B3GNT4: variants seen among roughly 807,000 people sequenced by gnomAD.
The protein encoded by B3GNT4 is UDP-GlcNAc:betaGal beta-1,3-N-acetylglucosaminyltransferase 4.
A neutral mutation model predicts 2.7 loss-of-function variants in B3GNT4; 2 were observed. The ratio of observed to expected loss-of-function variants is 0.73; its 90% CI spans 0.30 to 2.31. The LOEUF (loss-of-function observed/expected upper bound fraction) is 2.31. Among genes scored for constraint, B3GNT4 ranks in the 30% most tolerant of loss-of-function variants. The pLI, the probability that B3GNT4 is intolerant of heterozygous loss-of-function variation, is 0.12. For missense variants in B3GNT4, 708 were observed against 490.9 expected, an observed-to-expected ratio of 1.44 and a Z score of -4.18; for synonymous variants, 280 against 203.4, an observed-to-expected ratio of 1.38 and a Z score of -3.20.
Position 122,207,314 on chromosome 12 carries a change from G to T in B3GNT4, c.1063G>T (p.Glu355Ter), listed in dbSNP as rs769085783. 6.2e-7 allele frequency: 1 copy of T among 1,612,440 alleles called. No homozygotes were observed. Among genetic ancestry groups the T allele is most frequent in the South Asian group, 1.1e-5 (1 of 90,852 alleles). Residue 355 changes from glutamate (E) to a stop codon, truncating the protein, a stop_gained, in exon 3 of 3, where the codon GAG becomes TAG. Coordinates refer to ENST00000324189, the MANE Select transcript of B3GNT4 (RefSeq NM_030765.4). LOFTEE classifies it high-confidence loss of function. Reference sequence around the variant, plus strand: ...GCTGGTTCACCGCCTCAGCCCCCTCGAGATGTGGACCATGTGGGCACTGGT... The same window carrying T: ...GCTGGTTCACCGCCTCAGCCCCCTCTAGATGTGGACCATGTGGGCACTGGT... ...LLLVHRLSPL[E>*]MWTMWALVTD...
In B3GNT4 at chr12:122,204,449, C is replaced by G. The variant is rs1953887981; in HGVS notation, c.-97-73C>G. On this transcript the variant is annotated intron_variant, in intron 1 of 2. Transcript: ENST00000324189. The stretch of plus-strand genomic sequence containing the variant: ...CAGCCTGGGCTGAAACCTCCTGGGA[C>G]GGAACCAAGCCACCTGCTGTGCGCC... The G allele has an allele frequency of 6.6e-5, 44 of 669,162 alleles. No homozygotes were observed. The South Asian group carries it at 6.7e-4, about 10-fold the overall frequency. 41.5% of individuals were successfully genotyped at this position (669,162 alleles called of 1,614,324 possible). A position where few individuals can be genotyped will look rare whatever the true frequency, so the allele number is the denominator to read the frequency against.
Position 122,208,783 on chromosome 12 carries a change from T to C in B3GNT4, c.*1395T>C, listed in dbSNP as rs768031244. On this transcript the variant is annotated 3_prime_UTR_variant, in exon 3 of 3. Transcript: ENST00000324189. Reference sequence around the variant, plus strand: ...CTGACACTCTGTCAAAAACAGCATTTTTCTTCAGCTGTCAGCGGCCAACAT... The same window carrying C: ...CTGACACTCTGTCAAAAACAGCATTCTTCTTCAGCTGTCAGCGGCCAACAT... 7.2e-5 allele frequency: 49 copies of C among 676,892 alleles called. No homozygotes were observed. The highest frequency in any genetic ancestry group is 2.3e-4 in the Middle Eastern group (1 of 4,268). 41.9% of individuals were successfully genotyped at this position (676,892 alleles called of 1,614,324 possible).
chr12:122,206,683 G>T lies in B3GNT4; in HGVS notation c.432G>T (p.Val144=), dbSNP rs752366862. 9.3e-6 allele frequency: 15 copies of T among 1,612,450 alleles called. No homozygotes were observed. Among genetic ancestry groups the T allele is most frequent in the Non-Finnish European group, 1.2e-5 (14 of 1,179,452 alleles). The part of the protein sequence containing the change: ...RAAIRSTWGR[V]GGWARGRQLK... Reference sequence around the variant, plus strand: ...CTATCCGCAGCACGTGGGGCAGGGTGGGGGGATGGGCTAGGGGCCGGCAGC... The same window carrying T: ...CTATCCGCAGCACGTGGGGCAGGGTTGGGGGATGGGCTAGGGGCCGGCAGC... The change falls in exon 3 of 3, where the codon GTG becomes GTT. Residue 144 remains valine, a synonymous_variant. Transcript: ENST00000324189.
chr12:122,206,833 G>T lies in B3GNT4; in HGVS notation c.582G>T (p.Thr194=). 2 of 1,613,362 alleles carry T rather than the reference G, an allele frequency of 1.2e-6. No homozygotes were observed. Among genetic ancestry groups the T allele is most frequent in the Non-Finnish European group, 1.7e-6 (2 of 1,179,814 alleles). Residue 194 remains threonine, a synonymous_variant, in exon 3 of 3, where the codon ACG becomes ACT. Coordinates refer to ENST00000324189, the MANE Select transcript of B3GNT4 (RefSeq NM_030765.4). The part of the protein sequence containing the change: ...WDFTEDFFNL[T]LKELHLQRWV... The stretch of plus-strand genomic sequence containing the variant: ...TCACTGAGGACTTCTTCAACCTGAC[G>T]CTCAAGGAGCTGCACCTGCAGCGCT...
chr12:122,207,383 C>A lies in B3GNT4; in HGVS notation c.1132C>A (p.Arg378Ser). The change falls in exon 3 of 3, where the codon CGC becomes AGC. Residue 378 changes from arginine to serine, a missense_variant. By Grantham distance (110) the Arg-to-Ser change is moderately radical (BLOSUM62 -1). Transcript: ENST00000324189. Reference protein sequence around the residue: ...LKCAAGPIPQR With the variant: ...LKCAAGPIPQS ...GTGTGCAGCTGGCCCCATACCCCAG[C>A]GCTGAAGGGTGGGTTGGGCAACAGC... 1 of 1,545,910 alleles carries A rather than the reference C, an allele frequency of 6.5e-7. No individual in the cohort carries two copies. The highest frequency in any genetic ancestry group is 1.2e-5 in the South Asian group (1 of 80,618).
At position 122,207,533 on chromosome 12, in the gene B3GNT4, A is replaced by T; in HGVS notation, c.*145A>T. 1.3e-6 allele frequency: 1 copy of T among 774,266 alleles called. No homozygotes were observed. The highest frequency in any genetic ancestry group is 1.9e-5 in the South Asian group (1 of 53,468). 48.0% of individuals were successfully genotyped at this position (774,266 alleles called of 1,614,324 possible). A position where few individuals can be genotyped will look rare whatever the true frequency, so the allele number is the denominator to read the frequency against. ...GTTAGCTCTGATTAAAAACACTGCA[A>T]CCCAGCTAACTTGTCCAGCATATGT... is the stretch of plus-strand genomic sequence containing the variant. On this transcript the variant is annotated 3_prime_UTR_variant, in exon 3 of 3. Coordinates refer to ENST00000324189, the MANE Select transcript of B3GNT4 (RefSeq NM_030765.4).
intron 2 of B3GNT4, 75 bp downstream of exon 2, chr12:122,204,759 A>C: frequency 7.5e-7 from 1 of 1,342,104 alleles, no homozygotes; most frequent in Non-Finnish European, 1.0e-6. Flanking sequence ...GGCTCAGAAA[A>C]CTCTGGCCGG....
chr12:122,208,354 G>A lies in B3GNT4; in HGVS notation c.*966G>A. Reference sequence around the variant, plus strand: ...CTGCCCCTGCTTTCCCCACTGAGTGGGGAGACAGGGCAGTGTGCTCAGGCC... The same window carrying A: ...CTGCCCCTGCTTTCCCCACTGAGTGAGGAGACAGGGCAGTGTGCTCAGGCC... On this transcript the variant is annotated 3_prime_UTR_variant, in exon 3 of 3. Coordinates refer to ENST00000324189, the MANE Select transcript of B3GNT4 (RefSeq NM_030765.4). The A allele has an allele frequency of 6.2e-7, 1 of 1,610,180 alleles. No individual in the cohort carries two copies. The highest frequency in any genetic ancestry group is 8.5e-7 in the Non-Finnish European group (1 of 1,179,730).
At position 122,207,408 on chromosome 12, in the gene B3GNT4, C is replaced by A; in HGVS notation, c.*20C>A. 1 of 1,518,960 alleles carries A rather than the reference C, an allele frequency of 6.6e-7. No homozygotes were observed. Among genetic ancestry groups the A allele is most frequent in the Non-Finnish European group, 8.8e-7 (1 of 1,135,688 alleles). The allele number at this position is 1,518,960 out of a possible 1,614,324, so 94.1% of individuals were successfully genotyped here. ...CGCTGAAGGGTGGGTTGGGCAACAG[C>A]CTGAGAGTGGACTCAGTGTTGATTC... On this transcript the variant is annotated 3_prime_UTR_variant, in exon 3 of 3. Coordinates refer to ENST00000324189, the MANE Select transcript of B3GNT4 (RefSeq NM_030765.4).
rs1953916616 is a variant in B3GNT4 at position 122,206,434 on chromosome 12, C to G, written c.183C>G (p.Ala61=). The part of the protein sequence containing the change: ...KAAKPAGDPT[A]HQPFWAPPTP... ...CCAAGCCCGCAGGAGACCCCACGGCCCACCAGCCTTTCTGGGCTCCCCCAA... is the reference window on the plus strand; with the variant it reads ...CCAAGCCCGCAGGAGACCCCACGGCGCACCAGCCTTTCTGGGCTCCCCCAA... The change falls in exon 3 of 3, where the codon GCC becomes GCG. Residue 61 remains alanine, a synonymous_variant. Transcript: ENST00000324189. 1 of 1,613,942 alleles carries G rather than the reference C, an allele frequency of 6.2e-7. No homozygotes were observed. The highest frequency in any genetic ancestry group is 1.1e-5 in the South Asian group (1 of 91,076).
Position 122,208,775 on chromosome 12 carries a change from A to G in B3GNT4, c.*1387A>G. On this transcript the variant is annotated 3_prime_UTR_variant, in exon 3 of 3. Coordinates refer to ENST00000324189, the MANE Select transcript of B3GNT4 (RefSeq NM_030765.4). The stretch of plus-strand genomic sequence containing the variant: ...GGATTTAACTGACACTCTGTCAAAA[A>G]CAGCATTTTTCTTCAGCTGTCAGCG... The G allele has an allele frequency of 2.9e-6, 2 of 689,586 alleles. No individual in the cohort carries two copies. Among genetic ancestry groups the G allele is most frequent in the South Asian group, 1.5e-5 (1 of 66,718 alleles). 42.7% of individuals were successfully genotyped at this position (689,586 alleles called of 1,614,324 possible). A position where few individuals can be genotyped will look rare whatever the true frequency, so the allele number is the denominator to read the frequency against.
chr12:122,207,204 G>C lies in B3GNT4; in HGVS notation c.953G>C (p.Ser318Thr). 6.2e-7 allele frequency: 1 copy of C among 1,614,072 alleles called. No individual in the cohort carries two copies. Among genetic ancestry groups the C allele is most frequent in the Non-Finnish European group, 8.5e-7 (1 of 1,180,012 alleles). Residue 318 changes from serine (S) to threonine (T), a missense_variant, in exon 3 of 3, where the codon AGC becomes ACC. Coordinates refer to ENST00000324189, the MANE Select transcript of B3GNT4 (RefSeq NM_030765.4). ...ATGTGCCTGAGGCGGCTGGGGCTGA[G>C]CCCTATGCACCATGCTGGCTTCAAG... ...VGMCLRRLGLSPMHHAGFKTF... is the reference protein window; with the variant it reads ...VGMCLRRLGLTPMHHAGFKTF...
rs1953941054 is a variant in B3GNT4 at position 122,207,256 on chromosome 12, C to T, written c.1005C>T (p.Asp335=). ...CATTTGGAATCCGGCGGCCCCTGGA[C>T]CCCTTAGACCCCTGCCTGTATAGGG... ...FKTFGIRRPL[D]PLDPCLYRGL... The change falls in exon 3 of 3, where the codon GAC becomes GAT. Residue 335 remains aspartate (D), a synonymous_variant. Transcript: ENST00000324189. The T allele has an allele frequency of 1.9e-6, 3 of 1,614,000 alleles. No homozygotes were observed. The highest frequency in any genetic ancestry group is 3.3e-5 in the Admixed American group (2 of 59,992).
intron 1 of B3GNT4, among the ~76,000 whole-genome samples, chr12:122,204,063 G>C (rs1360072680): frequency 6.6e-6 from 1 of 151,906 alleles, no homozygotes; most frequent in African/African-American, 2.4e-5. Context: ...CCGCCAGCCT[G>C]GGCCGCCCGC....
In B3GNT4 at chr12:122,204,587, C is replaced by G. The variant is rs1444827284; in HGVS notation, c.-32C>G. On this transcript the variant is annotated 5_prime_UTR_variant, in exon 2 of 3. Coordinates refer to ENST00000324189, the MANE Select transcript of B3GNT4 (RefSeq NM_030765.4). Reference sequence around the variant, plus strand: ...CCCGCCGCCGCCGCCGCCCGGCATCCTGAGCACGGAGACAGTCTCCAGCTG... The same window carrying G: ...CCCGCCGCCGCCGCCGCCCGGCATCGTGAGCACGGAGACAGTCTCCAGCTG... 2.5e-6 allele frequency: 4 copies of G among 1,586,710 alleles called. No individual in the cohort carries two copies. In the African/African-American group the frequency reaches 4.0e-5, roughly 16 times the overall value.
chr12:122,204,360 C>A (rs936654403), intron 1 of B3GNT4, among the ~76,000 whole-genome samples, 162 bp from the exon 2 acceptor site: 2 of 151,614 alleles, frequency 1.3e-5, no homozygotes, highest in Non-Finnish European at 2.9e-5. Context: ...GGCGGCGGGG[C>A]GAGGCCGTGC....
chr12:122,206,488 C>CCA lies in B3GNT4; in HGVS notation c.242_243dup (p.Val82GlnfsTer17). On this transcript the variant is annotated frameshift_variant, in exon 3 of 3. Coordinates refer to ENST00000324189, the MANE Select transcript of B3GNT4 (RefSeq NM_030765.4). LOFTEE classifies it low-confidence loss of function (END_TRUNC). ...CCCGTCACAGCCGGTGTCCACCCAA[C>CCA]CACACAGTGTCTAGCGCCTCTCTGT... 6.2e-7 allele frequency: 1 copy of CCA among 1,614,202 alleles called. No homozygotes were observed. The highest frequency in any genetic ancestry group is 1.1e-5 in the South Asian group (1 of 91,080).
In B3GNT4 at chr12:122,206,326, G is replaced by C. The variant is rs752767907; in HGVS notation, c.75G>C (p.Ala25=). The C allele has an allele frequency of 7.0e-5, 110 of 1,565,940 alleles. No individual in the cohort carries two copies. Among genetic ancestry groups the C allele is most frequent in the Non-Finnish European group, 8.7e-5 (101 of 1,155,260 alleles). ...TGGCTCTCTCCTTGCAGGGACCGGCGATGCTCTGCAGGCTGTGCTGGCTGG... is the reference window on the plus strand; with the variant it reads ...TGGCTCTCTCCTTGCAGGGACCGGCCATGCTCTGCAGGCTGTGCTGGCTGG... The part of the protein sequence containing the change: ...GRSGLLPKGP[A]MLCRLCWLVS... Residue 25 remains alanine, a synonymous_variant, in exon 3 of 3, where the codon GCG becomes GCC. Coordinates refer to ENST00000324189, the MANE Select transcript of B3GNT4 (RefSeq NM_030765.4).
Position 122,207,996 on chromosome 12 carries a change from C to T in B3GNT4, c.*608C>T, listed in dbSNP as rs116523967. 4.1e-4 allele frequency: 197 copies of T among 478,428 alleles called. No individual in the cohort carries two copies. Among genetic ancestry groups the T allele is most frequent in the African/African-American group, 3.6e-3 (186 of 51,072 alleles). 29.6% of individuals were successfully genotyped at this position (478,428 alleles called of 1,614,324 possible). On this transcript the variant is annotated 3_prime_UTR_variant, in exon 3 of 3. Transcript: ENST00000324189. ...GGCATCCCAACAGAGGGAACAAGTA[C>T]TAAATCATTTTTGACGACGTAAATA...
Sources: gnomAD v4.1 joint callset for allele counts (sites outside exome capture counted in the v4.1 genomes callset) on GRCh38, gnomAD v4.1.1 for gene constraint, MANE v1.5 for transcripts, NCBI Gene and HGNC (gene_info 2026-07-23, HGNC 2026-07-21) for gene names.